The following UTS2 variants were observed in gnomAD, a reference collection of about 807,000 sequenced individuals.
UTS2 encodes the protein urotensin 2, also known as urotensin-2.
In UTS2, 10 loss-of-function variants were observed where a neutral mutation model predicts 12.6. The ratio of observed to expected loss-of-function variants is 0.80; its 90% CI spans 0.49 to 1.35. The LOEUF (loss-of-function observed/expected upper bound fraction) is 1.35. Ranked by LOEUF, UTS2 falls within the 40% of genes most tolerant of loss-of-function variation. The pLI is 0.00. For missense variants in UTS2, 142 were observed against 143.2 expected, an observed-to-expected ratio of 0.99 and a Z score of 0.04; for synonymous variants, 52 against 50.0, an observed-to-expected ratio of 1.04 and a Z score of -0.17.
the UTS2 span, among the ~76,000 whole-genome samples, chr1:7,870,101 C>T: frequency 6.6e-6 from 1 of 152,184 alleles, no homozygotes. Flanking sequence ...TGGAAAATCG[C>T]TGTTACGTGC....
chr1:7,908,870 G>C, the UTS2 span, among the ~76,000 whole-genome samples: 4 of 150,496 alleles, frequency 2.7e-5, no homozygotes, highest in Non-Finnish European at 5.9e-5. Context: ...GCAGTGGCAT[G>C]ATCTTGGCTC....
chr1:7,897,578 T>C, the UTS2 span, among the ~76,000 whole-genome samples: 3 of 152,158 alleles, frequency 2.0e-5, no homozygotes, highest in Admixed American at 1.3e-4. Context: ...ATGTCTTTCA[T>C]TAATGTTTCA....
At chr1:7,903,734 G>A in the UTS2 span, among the ~76,000 whole-genome samples, 1 of 152,236 alleles carries the variant, frequency 6.6e-6, no homozygotes, top group East Asian at 1.9e-4. Context: ...AAGATTGGGG[G>A]TTGCAGGAGT....
At chr1:7,876,831 A>G in the UTS2 span, among the ~76,000 whole-genome samples, 1 of 150,294 alleles carries the variant, frequency 6.7e-6, no homozygotes, top group Non-Finnish European at 1.5e-5. Flanking sequence ...ATGTGTAGAT[A>G]TCAATATAAG....
the UTS2 span, among the ~76,000 whole-genome samples, chr1:7,868,259 C>A: frequency 6.6e-6 from 1 of 152,274 alleles, no homozygotes; most frequent in African/African-American, 2.4e-5. Context: ...ACGATAATGC[C>A]GCTACTGATT....
At chr1:7,890,839 T>G in the UTS2 span, among the ~76,000 whole-genome samples, 1 of 116,542 alleles carries the variant, frequency 8.6e-6, no homozygotes. Context: ...TGACTAAGAC[T>G]GTCTCAAAAA....
chr1:7,861,711 C>T, the UTS2 span, among the ~76,000 whole-genome samples: 5 of 152,244 alleles, frequency 3.3e-5, no homozygotes, highest in East Asian at 9.7e-4. Context: ...CCTCAGGAAA[C>T]AGCCCCCTTT....
the UTS2 span, among the ~76,000 whole-genome samples, chr1:7,913,185 G>A: frequency 6.6e-6 from 1 of 150,510 alleles, no homozygotes; most frequent in Non-Finnish European, 1.5e-5. Context: ...TCCTACCTGG[G>A]GAGTTTTCGG....
the UTS2 span, among the ~76,000 whole-genome samples, chr1:7,870,507 C>T: frequency 1.3e-5 from 2 of 152,184 alleles, no homozygotes; most frequent in African/African-American, 2.4e-5. Flanking sequence ...ACTTCTATTC[C>T]ACTTCCAGTC....
intron 2 of UTS2, among the ~76,000 whole-genome samples, chr1:7,850,018 G>A (rs1408987613): frequency 1.4e-5 from 2 of 146,414 alleles, no homozygotes; most frequent in African/African-American, 2.5e-5. Context: ...TGCCCAGGCT[G>A]GAGTGCAGTG....
the UTS2 span, among the ~76,000 whole-genome samples, chr1:7,909,576 A>T: frequency 1.3e-5 from 2 of 151,078 alleles, no homozygotes; most frequent in Non-Finnish European, 3.0e-5. Context: ...AAAAAAATTT[A>T]GGTCAAAAGA....
the UTS2 span, among the ~76,000 whole-genome samples, chr1:7,860,105 G>A: frequency 1.3e-5 from 2 of 152,216 alleles, no homozygotes; most frequent in Non-Finnish European, 2.9e-5. Flanking sequence ...TTGAGCATGT[G>A]CCAGGGACTG....
the UTS2 span, among the ~76,000 whole-genome samples, chr1:7,891,560 G>GAAAGAAAGAAAT: frequency 6.7e-6 from 1 of 149,708 alleles, no homozygotes; most frequent in Non-Finnish European, 1.5e-5. Context: ...AAGAAAGAAA[G>GAAAGAAAGAAAT]AAAGAAAGAA....
chr1:7,892,741 T>G, the UTS2 span, among the ~76,000 whole-genome samples: 1 of 151,802 alleles, frequency 6.6e-6, no homozygotes, highest in South Asian at 2.1e-4. Context: ...GCGGCCTCGG[T>G]CTCCCAAAGT....
chr1:7,887,429 G>T, the UTS2 span, among the ~76,000 whole-genome samples: 1 of 151,958 alleles, frequency 6.6e-6, no homozygotes, highest in Non-Finnish European at 1.5e-5. Context: ...GAAGCAAAAG[G>T]ATGAAATTCT....
chr1:7,909,546 CA>C, the UTS2 span, among the ~76,000 whole-genome samples: 63,863 of 104,136 alleles, frequency 0.61, 15,659 homozygotes, highest in South Asian at 0.82. Flanking sequence ...GACTCTGTCT[CA>C]AAAAAAAAAA....
the UTS2 span, among the ~76,000 whole-genome samples, chr1:7,858,615 C>T: frequency 1.3e-5 from 2 of 152,000 alleles, no homozygotes; most frequent in African/African-American, 4.8e-5. Flanking sequence ...CTCACTCTGT[C>T]GCCCAGGCTG....
chr1:7,863,040 ATTGT>A, the UTS2 span, among the ~76,000 whole-genome samples: 1 of 36,554 alleles, frequency 2.7e-5, no homozygotes. Flanking sequence ...ATTGTATTGT[ATTGT>A]ATTGTATTGT....
At chr1:7,911,507 C>T in the UTS2 span, among the ~76,000 whole-genome samples, 1 of 152,072 alleles carries the variant, frequency 6.6e-6, no homozygotes, top group South Asian at 2.1e-4. Context: ...GCCTAAGGAC[C>T]CTCTGCTACG....
Sources: gnomAD v4.1 joint callset for allele counts (sites outside exome capture counted in the v4.1 genomes callset) on GRCh38, gnomAD v4.1.1 for gene constraint, MANE v1.5 for transcripts, NCBI Gene and HGNC (gene_info 2026-07-23, HGNC 2026-07-21) for gene names.